Variants in CFAP54 observed in about 807,000 individuals in gnomAD.
CFAP54 encodes cilia and flagella associated protein 54, also known as cilia- and flagella-associated protein 54.
A neutral mutation model predicts 370.4 loss-of-function variants in CFAP54; 290 were observed. The ratio of observed to expected loss-of-function variants is 0.78; its 90% CI spans 0.71 to 0.86. The LOEUF (loss-of-function observed/expected upper bound fraction) is 0.86. Ranked by LOEUF, CFAP54 falls within the 40% of genes least tolerant of loss-of-function variation. CFAP54 has a pLI of 0.00. For missense variants in CFAP54, 3,399 were observed against 3,528.7 expected (o/e 0.96, Z 0.93); for synonymous variants, 1,206 against 1,236.5 (o/e 0.98, Z 0.52).
intron 36 of CFAP54, among the ~76,000 whole-genome samples, chr12:96,655,027 T>C (rs758352341): frequency 2.8e-4 from 40 of 140,860 alleles, no homozygotes; most frequent in Non-Finnish European, 5.7e-4. Context: ...AAAATGTGAA[T>C]GGCCAAAAAA....
chr12:96,695,755 A>C (rs914361586), intron 45 of CFAP54, among the ~76,000 whole-genome samples: 1 of 152,200 alleles, frequency 6.6e-6, no homozygotes, highest in Non-Finnish European at 1.5e-5. Context: ...TCCACTCTCT[A>C]TAGTGTTTAG....
At chr12:96,711,751 TG>T (rs1957617867) in intron 48 of CFAP54, among the ~76,000 whole-genome samples, 1 of 152,236 alleles carries the variant, frequency 6.6e-6, no homozygotes, top group African/African-American at 2.4e-5. Context: ...ACTAATTTAA[TG>T]GTAAAGTGGG....
intron 66 of CFAP54, among the ~76,000 whole-genome samples, chr12:96,841,164 A>G (rs11108716): frequency 0.29 from 43,423 of 152,106 alleles, 6,650 homozygotes; most frequent in South Asian, 0.53. Flanking sequence ...GATGAACCTG[A>G]TACTGTGTAT....
Position 96,792,452 on chromosome 12 carries a change from T to C in CFAP54, c.8803T>C (p.Trp2935Arg), listed in dbSNP as rs959214572. ...TTCAAACAAAGAACTTTGCTTTCAATGGTACATTCCTCCCCTGGATAGACC... is the reference window on the plus strand; with the variant it reads ...TTCAAACAAAGAACTTTGCTTTCAACGGTACATTCCTCCCCTGGATAGACC... ...QASNKELCFQ[W>R]YIPPLDRPPK... The change falls in exon 63 of 68, where the codon TGG (tryptophan) becomes CGG (arginine). Residue 2935 changes from tryptophan to arginine, a missense_variant. Physicochemically the swap from Trp to Arg is moderately radical, Grantham distance 101. Around this residue, in one of 3 missense-constraint regions of CFAP54, gnomAD observed 2,796 missense variants for 2,869.7 expected, o/e 0.97. Coordinates refer to ENST00000524981, the MANE Select transcript of CFAP54 (RefSeq NM_001306084.2). 2.1e-5 allele frequency: 33 copies of C among 1,535,852 alleles called. No homozygotes were observed. The highest frequency in any genetic ancestry group is 2.8e-5 in the Non-Finnish European group (32 of 1,146,804).
chr12:96,557,760 A>G (rs568220030), intron 17 of CFAP54, among the ~76,000 whole-genome samples: 76 of 152,114 alleles, frequency 5.0e-4, no homozygotes, highest in South Asian at 1.2e-3. Context: ...AAGCTCAAAA[A>G]TGAAAGCTTG....
intron 17 of CFAP54, among the ~76,000 whole-genome samples, chr12:96,560,510 A>G (rs541519547): frequency 5.9e-5 from 9 of 152,310 alleles, no homozygotes; most frequent in Middle Eastern, 6.8e-3. Context: ...TTCTTCTTCA[A>G]TCTAGAATAA....
chr12:96,591,263 T>C (rs1247975319), intron 23 of CFAP54, among the ~76,000 whole-genome samples: 1 of 150,884 alleles, frequency 6.6e-6, no homozygotes, highest in African/African-American at 2.4e-5. Flanking sequence ...TGAAGAAGAG[T>C]TGGCAATTAG....
Position 96,630,573 on chromosome 12 carries a change from TAAG to T in CFAP54, c.4242_4244del (p.Arg1414del). The T allele has an allele frequency of 6.8e-7, 1 of 1,479,350 alleles. No homozygotes were observed. The highest frequency in any genetic ancestry group is 8.9e-7 in the Non-Finnish European group (1 of 1,117,582). 91.6% of individuals were successfully genotyped at this position (1,479,350 alleles called of 1,614,324 possible). A position where few individuals can be genotyped will look rare whatever the true frequency, so the allele number is the denominator to read the frequency against. On this transcript the variant is annotated inframe_deletion, in exon 32 of 68. Transcript: ENST00000524981. ...AAGAGTGCAGAAATGCAACAAAGAATAAGAAGTAAAAAAAAGGAAACTCTAAGA... is the reference window on the plus strand; with the variant it reads ...AAGAGTGCAGAAATGCAACAAAGAATAAGTAAAAAAAAGGAAACTCTAAGA...
intron 63 of CFAP54, among the ~76,000 whole-genome samples, chr12:96,807,959 T>A (rs1014436532): frequency 6.6e-6 from 1 of 152,192 alleles, no homozygotes; most frequent in Non-Finnish European, 1.5e-5. Flanking sequence ...GAGGCATGAA[T>A]GTTGACTTGC....
intron 45 of CFAP54, among the ~76,000 whole-genome samples, chr12:96,694,091 T>G (rs1957415490): frequency 6.6e-6 from 1 of 152,246 alleles, no homozygotes; most frequent in Non-Finnish European, 1.5e-5. Flanking sequence ...TCTGAGAGAC[T>G]GGCTTCCTGG....
At chr12:96,561,557 A>G (rs886812492) in intron 17 of CFAP54, among the ~76,000 whole-genome samples, 1 of 151,268 alleles carries the variant, frequency 6.6e-6, no homozygotes, top group Non-Finnish European at 1.5e-5. Flanking sequence ...TGCTTTCTCT[A>G]CCCCCAGATC....
chr12:96,702,027 A>C (rs1035903692), intron 46 of CFAP54, among the ~76,000 whole-genome samples: 1 of 152,114 alleles, frequency 6.6e-6, no homozygotes, highest in African/African-American at 2.4e-5. Context: ...AGTGATTGAG[A>C]TGATTGTGCC....
chr12:96,777,636 A>T (rs1958532062), intron 60 of CFAP54, among the ~76,000 whole-genome samples: 1 of 152,202 alleles, frequency 6.6e-6, no homozygotes, highest in African/African-American at 2.4e-5. Flanking sequence ...GGTGTGAGCC[A>T]CTGCGCCTGG....
chr12:96,610,749 A>C (rs1219937047), intron 26 of CFAP54, among the ~76,000 whole-genome samples: 1 of 152,208 alleles, frequency 6.6e-6, no homozygotes, highest in Non-Finnish European at 1.5e-5. Flanking sequence ...TATCCCGCGC[A>C]TGGCTCAGAG....
intron 47 of CFAP54, among the ~76,000 whole-genome samples, chr12:96,705,782 G>A (rs1957540460): frequency 6.6e-6 from 1 of 152,122 alleles, no homozygotes; most frequent in Non-Finnish European, 1.5e-5. Context: ...GGAAAGAAGG[G>A]AGTGTTAAAT....
At chr12:96,655,294 G>A (rs1956909273) in intron 36 of CFAP54, among the ~76,000 whole-genome samples, 1 of 149,174 alleles carries the variant, frequency 6.7e-6, no homozygotes, top group Non-Finnish European at 1.5e-5. Context: ...ATCACTAAAG[G>A]AAACAGGGCT....
At chr12:96,646,712 A>C (rs919643652) in intron 33 of CFAP54, 2 of 152,256 alleles carry the variant, frequency 1.3e-5, no homozygotes, top group African/African-American at 4.8e-5. Context: ...CAAGTGTCCA[A>C]CAATGATAGA....
chr12:96,789,132 C>A (rs750169006), intron 62 of CFAP54, among the ~76,000 whole-genome samples: 1 of 152,174 alleles, frequency 6.6e-6, no homozygotes, highest in Non-Finnish European at 1.5e-5. Flanking sequence ...TCATTTCAGG[C>A]TCCTCATGTG....
intron 40 of CFAP54, among the ~76,000 whole-genome samples, chr12:96,681,764 G>A (rs772577988): frequency 2.0e-5 from 3 of 152,140 alleles, no homozygotes; most frequent in African/African-American, 4.8e-5. Flanking sequence ...CACCACGCCC[G>A]GCTAATTTAT....
Sources: gnomAD v4.1 joint callset for allele counts (sites outside exome capture counted in the v4.1 genomes callset) on GRCh38, gnomAD v4.1.1 for gene constraint, gnomAD v4.1.1 regional missense constraint, MANE v1.5 for transcripts, NCBI Gene and HGNC (gene_info 2026-07-23, HGNC 2026-07-21) for gene names.